Variants in RASAL2 observed in about 807,000 individuals in gnomAD.
RASAL2 encodes ras GTPase-activating protein nGAP.
A neutral mutation model predicts 128.9 loss-of-function variants in RASAL2; 58 were observed. The ratio of observed to expected loss-of-function variants is 0.45; its 90% CI spans 0.36 to 0.56. The LOEUF (loss-of-function observed/expected upper bound fraction) is 0.56. Ranked by LOEUF, RASAL2 falls within the 20% of genes least tolerant of loss-of-function variation. RASAL2 has a pLI of 0.00. For missense variants in RASAL2, 1,360 were observed against 1,601.6 expected (o/e 0.85, Z 2.57); for synonymous variants, 561 against 580.8 (o/e 0.97, Z 0.49).
rs746573717 is a variant in RASAL2 at position 178,458,398 on chromosome 1, C to G, written c.3106C>G (p.Arg1036Gly). The stretch of plus-strand genomic sequence containing the variant: ...ATCCCTGCCACACAGTGCTTCTTTA[C>G]GTAGCACCGGGAGCATGTCAGTGGT... Reference protein sequence around the residue: ...PPSLPHSASLRSTGSMSVVSA... With the variant: ...PPSLPHSASLGSTGSMSVVSA... The change falls in exon 14 of 18, where the codon CGT (arginine) becomes GGT (glycine). Residue 1036 changes from arginine to glycine, a missense_variant. Physicochemically the swap from Arg to Gly is moderately radical, Grantham distance 125. Transcript: ENST00000367649. 9 of 1,614,088 alleles carry G rather than the reference C, an allele frequency of 5.6e-6. No homozygotes were observed. The highest frequency in any genetic ancestry group is 7.6e-6 in the Non-Finnish European group (9 of 1,180,044).
chr1:178,187,713 T>C (rs1401476892), intron 1 of RASAL2, among the ~76,000 whole-genome samples: 2 of 152,180 alleles, frequency 1.3e-5, no homozygotes, highest in African/African-American at 4.8e-5. Flanking sequence ...ATCAGCTTGC[T>C]AGTTTTGAGG....
In RASAL2 at chr1:178,300,004, G is replaced by A. The variant is rs758849636; in HGVS notation, c.343G>A (p.Gly115Arg). The change falls in exon 3 of 18, where the codon GGG becomes AGG. Residue 115 changes from glycine to arginine, a missense_variant. This residue lies in a region of RASAL2 where 617 missense variants were observed against 714.2 expected (regional missense o/e 0.86). Transcript: ENST00000367649. ...LNKEKEIPVE[G>R]GQEQQTDSTK... ...TTTGATTAACTAGATACCTGTGGAA[G>A]GGGGACAGGAGCAGCAGACAGATTC... 1 of 1,613,704 alleles carries A rather than the reference G, an allele frequency of 6.2e-7. No individual in the cohort carries two copies. The highest frequency in any genetic ancestry group is 1.1e-5 in the South Asian group (1 of 91,000).
At chr1:178,110,650 A>ATGTATATATATG (rs1553250959) in intron 1 of RASAL2, among the ~76,000 whole-genome samples, 1 of 139,158 alleles carries the variant, frequency 7.2e-6, no homozygotes, top group South Asian at 2.3e-4. Flanking sequence ...ATATATATAT[A>ATGTATATATATG]TATGTATGTA....
rs1216540345 is a variant in RASAL2 at position 178,476,307 on chromosome 1, A to G, written c.*3068A>G. 1 of 152,206 alleles carries G rather than the reference A, an allele frequency of 6.6e-6. No homozygotes were observed. Among genetic ancestry groups the G allele is most frequent in the South Asian group, 2.1e-4 (1 of 4,826 alleles). 9.4% of individuals were successfully genotyped at this position (152,206 alleles called of 1,614,324 possible). A position where few individuals can be genotyped will look rare whatever the true frequency, so the allele number is the denominator to read the frequency against. On this transcript the variant is annotated 3_prime_UTR_variant, in exon 18 of 18. Transcript: ENST00000367649. Reference sequence around the variant, plus strand: ...AAAGAGCTTCATATTCCCCTTTTATATTACTGAAGCAATAAGCAATCTGAG... The same window carrying G: ...AAAGAGCTTCATATTCCCCTTTTATGTTACTGAAGCAATAAGCAATCTGAG...
At chr1:178,187,715 G>C (rs1558103570) in intron 1 of RASAL2, among the ~76,000 whole-genome samples, 1 of 152,114 alleles carries the variant, frequency 6.6e-6, no homozygotes, top group Non-Finnish European at 1.5e-5. Flanking sequence ...CAGCTTGCTA[G>C]TTTTGAGGCT....
intron 1 of RASAL2, among the ~76,000 whole-genome samples, chr1:178,207,790 G>A (rs917123708): frequency 6.6e-6 from 1 of 151,804 alleles, no homozygotes; most frequent in Non-Finnish European, 1.5e-5. Flanking sequence ...ATTCATTTTA[G>A]ATATTATCTA....
chr1:178,332,843 C>G (rs1342692118), intron 3 of RASAL2, among the ~76,000 whole-genome samples: 1 of 151,808 alleles, frequency 6.6e-6, no homozygotes, highest in African/African-American at 2.4e-5. Flanking sequence ...ACCTCGTGAT[C>G]TGCCTGCCTC....
intron 15 of RASAL2, among the ~76,000 whole-genome samples, chr1:178,465,254 T>TA (rs1278204289): frequency 3.3e-5 from 5 of 152,226 alleles, no homozygotes; most frequent in Admixed American, 3.3e-4. Flanking sequence ...AGAGAACATG[T>TA]AGGCCTTTGT....
At chr1:178,131,804 C>T (rs966783868) in intron 1 of RASAL2, among the ~76,000 whole-genome samples, 4 of 152,066 alleles carry the variant, frequency 2.6e-5, no homozygotes, top group African/African-American at 9.7e-5. Context: ...GCAGCCCGAC[C>T]ACAGAGCCTG....
intron 3 of RASAL2, among the ~76,000 whole-genome samples, chr1:178,364,695 C>T (rs1480795456): frequency 6.6e-6 from 1 of 152,122 alleles, no homozygotes; most frequent in East Asian, 1.9e-4. Context: ...TATGCATCTA[C>T]TCAATAAATA....
intron 17 of RASAL2, among the ~76,000 whole-genome samples, chr1:178,470,018 G>A (rs906373988): frequency 1.3e-5 from 2 of 152,192 alleles, no homozygotes; most frequent in African/African-American, 4.8e-5. Flanking sequence ...CTTAATTCCA[G>A]CTGTTGGCTT....
At chr1:178,292,655 G>A (rs1257648788) in intron 2 of RASAL2, among the ~76,000 whole-genome samples, 2 of 151,820 alleles carry the variant, frequency 1.3e-5, no homozygotes, top group African/African-American at 4.8e-5. Flanking sequence ...GGCACAGGAG[G>A]CCATTTGACT....
intron 1 of RASAL2, among the ~76,000 whole-genome samples, chr1:178,229,724 A>C (rs1337168303): frequency 6.6e-6 from 1 of 152,180 alleles, no homozygotes; most frequent in Non-Finnish European, 1.5e-5. Flanking sequence ...TAATACACAG[A>C]AAGTGGTTTC....
chr1:178,219,633 A>G (rs543587869), intron 1 of RASAL2, among the ~76,000 whole-genome samples: 120 of 141,296 alleles, frequency 8.5e-4, no homozygotes, highest in Non-Finnish European at 1.7e-3. Context: ...CTGCCTCAGG[A>G]AAAAAAAAAA....
chr1:178,157,232 T>G (rs548954196), intron 1 of RASAL2, among the ~76,000 whole-genome samples: 20 of 152,334 alleles, frequency 1.3e-4, no homozygotes, highest in African/African-American at 4.6e-4. Flanking sequence ...CTGACAGTGC[T>G]TTTTAGAGTA....
chr1:178,208,598 A>G (rs1663141408), intron 1 of RASAL2, among the ~76,000 whole-genome samples: 2 of 152,206 alleles, frequency 1.3e-5, no homozygotes, highest in Admixed American at 6.5e-5. Flanking sequence ...CCTTATCAGT[A>G]GTTCTGCTTT....
At chr1:178,390,368 G>A (rs907344197) in intron 4 of RASAL2, among the ~76,000 whole-genome samples, 162 bp downstream of exon 4, 17 of 152,042 alleles carry the variant, frequency 1.1e-4, no homozygotes, top group African/African-American at 4.1e-4. Flanking sequence ...TAAATTAACT[G>A]TGGTTAATTG....
At chr1:178,178,401 T>C (rs554184721) in intron 1 of RASAL2, among the ~76,000 whole-genome samples, 2 of 152,052 alleles carry the variant, frequency 1.3e-5, no homozygotes, top group South Asian at 2.1e-4. Flanking sequence ...AAAAATAATA[T>C]ATTTCTAGAC....
intron 3 of RASAL2, among the ~76,000 whole-genome samples, chr1:178,331,581 A>AT (rs1669313915): frequency 3.3e-5 from 4 of 121,370 alleles, no homozygotes; most frequent in African/African-American, 1.6e-4. Context: ...AACTTCATGC[A>AT]TCTTTTTTTT....
Sources: gnomAD v4.1 joint callset for allele counts (sites outside exome capture counted in the v4.1 genomes callset) on GRCh38, gnomAD v4.1.1 for gene constraint, gnomAD v4.1.1 regional missense constraint, MANE v1.5 for transcripts, NCBI Gene and HGNC (gene_info 2026-07-23, HGNC 2026-07-21) for gene names.